ANXA4: variants seen among roughly 807,000 people sequenced by gnomAD.
ANXA4 encodes the protein annexin A4, also known as 35-beta calcimedin.
A neutral mutation model predicts 49.8 loss-of-function variants in ANXA4; 39 were observed. That is an observed-to-expected ratio of 0.78 (90% CI 0.61 to 1.02). ANXA4 has a LOEUF of 1.02. Ranked by LOEUF, ANXA4 falls within the 50% of genes least tolerant of loss-of-function variation. ANXA4 has a pLI of 0.00. For missense variants in ANXA4, 360 were observed against 410.1 expected, an observed-to-expected ratio of 0.88 and a Z score of 1.05; for synonymous variants, 134 against 152.5, an observed-to-expected ratio of 0.88 and a Z score of 0.89.
intron 2 of ANXA4, among the ~76,000 whole-genome samples, chr2:69,677,924 C>T (rs1245482661): frequency 6.6e-6 from 1 of 152,234 alleles, no homozygotes; most frequent in Admixed American, 6.5e-5. Flanking sequence ...CTGCCCTGTA[C>T]CTGGAGAAAA....
In ANXA4 at chr2:69,720,425, A is replaced by C. The variant is rs1669785708; in HGVS notation, n.767-349A>C. On this transcript the variant is annotated intron_variant and non_coding_transcript_variant, in intron 2 of 3. Coordinates refer to the ANXA4 transcript ENST00000418066. ...CATGGAACTTCAAGAAATTCAGGGG[A>C]GCTGAAGCAAAGTTCATTCACGGTG... Among the ~76,000 whole-genome samples the C allele has an allele frequency of 3.3e-5, 5 of 152,240 alleles. No homozygotes were observed. In the South Asian group the frequency reaches 1.0e-3, roughly 32 times the overall value.
intron 3 of ANXA4, among the ~76,000 whole-genome samples, chr2:69,788,849 A>AG (rs1355613702): frequency 6.6e-6 from 1 of 151,524 alleles, no homozygotes; most frequent in East Asian, 1.9e-4. Context: ...AAAAAAAAAA[A>AG]AAAAAGAAAG....
chr2:69,813,675 A>C lies in ANXA4; in HGVS notation c.534+966A>C, dbSNP rs1308600592. Reference sequence around the variant, plus strand: ...CTCAGAGAGGTCAAGTACCTTGCTCAAGCTCAGAAAGATAATAAAGGGCAG... The same window carrying C: ...CTCAGAGAGGTCAAGTACCTTGCTCCAGCTCAGAAAGATAATAAAGGGCAG... On this transcript the variant is annotated intron_variant, in intron 8 of 12. Transcript: ENST00000394295. 2.0e-5 allele frequency among the ~76,000 whole-genome samples: 3 copies of C among 152,024 alleles called. No individual in the cohort carries two copies. In the South Asian group the frequency reaches 6.2e-4, roughly 32 times the overall value.
intron 1 of ANXA4, among the ~76,000 whole-genome samples, chr2:69,758,861 A>C (rs886664756): frequency 1.3e-5 from 2 of 152,004 alleles, no homozygotes; most frequent in Admixed American, 6.6e-5. Context: ...GGCCAGGCAC[A>C]GTGGCTCATG....
upstream of ANXA4, chr2:69,644,014 C>T (rs963809074): frequency 1.7e-5 from 8 of 470,886 alleles, no homozygotes; most frequent in African/African-American, 1.5e-4. Context: ...AGTCCGGCTG[C>T]TGGACTACAA....
At chr2:69,700,471 C>T (rs1225792265) in intron 2 of ANXA4, 8 of 152,140 alleles carry the variant, frequency 5.3e-5, no homozygotes, top group South Asian at 2.1e-4. Flanking sequence ...TGCCACCATC[C>T]GTACTCTTCT....
At chr2:69,815,930 T>C in intron 8 of ANXA4, 171 bp from the exon 9 acceptor site, 1 of 605,392 alleles carries the variant, frequency 1.7e-6, no homozygotes, top group Non-Finnish European at 3.0e-6. Context: ...CCCAACAGCC[T>C]TATGCCTGAG....
chr2:69,812,272 G>A lies in ANXA4; in HGVS notation c.478-381G>A, dbSNP rs115208848. On this transcript the variant is annotated intron_variant, in intron 7 of 12. Transcript: ENST00000394295. ...GTAGCTGGAACTACATGCACATCCCGACCCCCTTTTGGCAGAGGTTGATCA... is the reference window on the plus strand; with the variant it reads ...GTAGCTGGAACTACATGCACATCCCAACCCCCTTTTGGCAGAGGTTGATCA... 7.4e-3 allele frequency among the ~76,000 whole-genome samples: 1,129 copies of A among 152,004 alleles called. 17 individuals are homozygous for A. Among genetic ancestry groups the A allele is most frequent in the African/African-American group, 0.025 (1,026 of 41,444 alleles).
rs1038145195 is a variant in ANXA4, at chr2:69,758,659, TAAG to T, written c.-47+16485_-47+16487del. 4.6e-5 allele frequency among the ~76,000 whole-genome samples: 7 copies of T among 152,216 alleles called. No homozygotes were observed. The East Asian group carries it at 7.7e-4, about 17-fold the overall frequency. On this transcript the variant is annotated intron_variant, in intron 1 of 12. Coordinates refer to ENST00000394295, the MANE Select transcript of ANXA4 (RefSeq NM_001153.5). ...AAATGATAAGGCAAGTTAATAATAA[TAAG>T]GTTCAATTTTACGCCTAAATATTAA...
chr2:69,743,374 C>T (rs975981627), intron 1 of ANXA4, among the ~76,000 whole-genome samples: 11 of 148,578 alleles, frequency 7.4e-5, no homozygotes, highest in Non-Finnish European at 1.3e-4. Flanking sequence ...TGTGCCAACA[C>T]GCCTGGCTAA....
At chr2:69,696,855 A>G (rs1573114192) in intron 2 of ANXA4, among the ~76,000 whole-genome samples, 3 of 152,356 alleles carry the variant, frequency 2.0e-5, no homozygotes, top group African/African-American at 7.2e-5. Flanking sequence ...AAGTCTCAAC[A>G]GCAGGCTTAA....
chr2:69,662,659 C>T (rs142543851), intron 2 of ANXA4, among the ~76,000 whole-genome samples: 1 of 152,088 alleles, frequency 6.6e-6, no homozygotes, highest in Non-Finnish European at 1.5e-5. Flanking sequence ...TCTTTGGGGA[C>T]TCTAAGAGGA....
intron 2 of ANXA4, among the ~76,000 whole-genome samples, chr2:69,659,453 C>T (rs1411692360): frequency 6.6e-6 from 1 of 152,086 alleles, no homozygotes; most frequent in African/African-American, 2.4e-5. Context: ...ATTATCTCTT[C>T]TTTTAGAGAG....
chr2:69,699,717 T>C (rs1250318955), intron 2 of ANXA4, among the ~76,000 whole-genome samples: 1 of 152,200 alleles, frequency 6.6e-6, no homozygotes, highest in African/African-American at 2.4e-5. Flanking sequence ...TGAGGTGGAC[T>C]TGATACTCCT....
rs145364602 is a variant in ANXA4, at chr2:69,755,223, G to A, written c.-47+13048G>A. Among the ~76,000 whole-genome samples the A allele has an allele frequency of 4.9e-3, 746 of 152,308 alleles. 30 individuals are homozygous for A. Among genetic ancestry groups the A allele is most frequent in the Admixed American group, 0.045 (688 of 15,298 alleles). Reference sequence around the variant, plus strand: ...TGGGGAGTTACTGTTTCACGTGTTCGGAGTTTCTGTTTGGAATGATAGAAG... The same window carrying A: ...TGGGGAGTTACTGTTTCACGTGTTCAGAGTTTCTGTTTGGAATGATAGAAG... On this transcript the variant is annotated intron_variant, in intron 1 of 12. Coordinates refer to ENST00000394295, the MANE Select transcript of ANXA4 (RefSeq NM_001153.5).
chr2:69,679,116 G>GT (rs1559072359), intron 2 of ANXA4, among the ~76,000 whole-genome samples: 1 of 151,908 alleles, frequency 6.6e-6, no homozygotes, highest in African/African-American at 2.4e-5. Context: ...ATATTTTGTG[G>GT]TTTTTTAAAT....
At chr2:69,814,704 C>T (rs1573311009) in intron 8 of ANXA4, 2 of 150,948 alleles carry the variant, frequency 1.3e-5, no homozygotes, top group East Asian at 3.9e-4. Context: ...TTAAGAGGAA[C>T]AGAACCAATA....
chr2:69,711,388 A>G (rs986960090), intron 2 of ANXA4, among the ~76,000 whole-genome samples: 1 of 152,250 alleles, frequency 6.6e-6, no homozygotes, highest in African/African-American at 2.4e-5. Flanking sequence ...CTACCGATAC[A>G]TGTAACAGCA....
intron 2 of ANXA4, among the ~76,000 whole-genome samples, chr2:69,702,095 T>C (rs1678346771): frequency 6.6e-6 from 1 of 152,090 alleles, no homozygotes; most frequent in Admixed American, 6.6e-5. Flanking sequence ...CACTACAACC[T>C]CCACCTCCTG....
Sources: gnomAD v4.1 joint callset for allele counts (sites outside exome capture counted in the v4.1 genomes callset) on GRCh38, gnomAD v4.1.1 for gene constraint, MANE v1.5 for transcripts, NCBI Gene and HGNC (gene_info 2026-07-23, HGNC 2026-07-21) for gene names.